Variants in ABCC5 observed in about 807,000 individuals in gnomAD.
ABCC5 encodes the protein ATP-binding cassette sub-family C member 5.
In ABCC5, 61 loss-of-function variants were observed where a neutral mutation model predicts 160.9. That is an observed-to-expected ratio of 0.38 (90% CI 0.31 to 0.47). ABCC5 has a LOEUF of 0.47. ABCC5 is among the 20% of genes least tolerant of loss of function. The pLI is 0.99. For synonymous variants in ABCC5, 666 were observed against 700.6 expected, an observed-to-expected ratio of 0.95 and a Z score of 0.78; for missense variants, 1,308 against 1,813.3, an observed-to-expected ratio of 0.72 and a Z score of 5.06.
chr3:183,942,451 T>A (rs1231384622), intron 25 of ABCC5: 2 of 606,508 alleles, frequency 3.3e-6, no homozygotes, highest in Non-Finnish European at 6.2e-6. Flanking sequence ...TACCAGTGCT[T>A]CTCTCTGGGT....
intron 26 of ABCC5, among the ~76,000 whole-genome samples, chr3:183,935,475 C>T (rs535257180): frequency 2.0e-5 from 3 of 150,268 alleles, no homozygotes; most frequent in Non-Finnish European, 4.4e-5. Context: ...CCACCGCACT[C>T]GGCCTATTTT....
chr3:183,945,255 T>C (rs1714731025), intron 24 of ABCC5, among the ~76,000 whole-genome samples: 1 of 152,164 alleles, frequency 6.6e-6, no homozygotes. Context: ...GAGTGCCAGT[T>C]AGGACAGCAG....
Position 183,959,675 on chromosome 3 carries a change from C to G in ABCC5, c.2482+58G>C, listed in dbSNP as rs1363209928. ...CAAACATCATGAATTACTTACTACA[C>G]AAGTTATTTCTGATAAACTTTGATG... is the stretch of plus-strand genomic sequence containing the variant. On this transcript the variant is annotated intron_variant, in intron 17 of 29. Coordinates refer to ENST00000334444, the MANE Select transcript of ABCC5 (RefSeq NM_005688.4). 4 of 1,266,994 alleles carry G rather than the reference C, an allele frequency of 3.2e-6. No homozygotes were observed. The African/African-American group carries it at 6.0e-5, about 19-fold the overall frequency. The allele number at this position is 1,266,994 out of a possible 1,614,324, so 78.5% of individuals were successfully genotyped here.
Position 183,965,418 on chromosome 3 carries a change from C to T in ABCC5, c.1917G>A (p.Leu639=). The T allele has an allele frequency of 6.2e-7, 1 of 1,614,000 alleles. No individual in the cohort carries two copies. ...AQQAWILNAT[L]RDNILFGKEY... ...CCTTCCCAAACAGGATGTTGTCTCT[C>T]AGAGTAGCATTGAGGATCCAGGCCT... The change falls in exon 13 of 30, where the codon CTG becomes CTA. Residue 639 remains leucine, a synonymous_variant. Coordinates refer to ENST00000334444, the MANE Select transcript of ABCC5 (RefSeq NM_005688.4).
rs780522033 is a variant in ABCC5, at chr3:183,988,540, G to C, written c.443+32C>G. 1.5e-5 allele frequency: 24 copies of C among 1,591,858 alleles called. No homozygotes were observed. The highest frequency in any genetic ancestry group is 2.0e-5 in the Non-Finnish European group (24 of 1,171,512). ...AGCTCAGGCCCTGCCCACCCGGCAT[G>C]GGGGAGATGAGGGTGGACCAGAGGC... is the stretch of plus-strand genomic sequence containing the variant. On this transcript the variant is annotated intron_variant, in intron 4 of 29. Coordinates refer to ENST00000334444, the MANE Select transcript of ABCC5 (RefSeq NM_005688.4). The surrounding 1 kb of genome is among the most constrained non-coding windows in gnomAD (Gnocchi z 4.4).
intron 10 of ABCC5, among the ~76,000 whole-genome samples, chr3:183,973,188 G>T (rs1417609346): frequency 6.6e-6 from 1 of 151,222 alleles, no homozygotes; most frequent in Non-Finnish European, 1.5e-5. Context: ...CCGAGTAGCT[G>T]GGACTACAGG....
chr3:183,949,305 A>G lies in ABCC5; in HGVS notation c.3227+448T>C, dbSNP rs966170576. ...AATACTCGATGCTTAAATAAAATCT[A>G]CTCAAATGTCATGACTACCTTTTAC... On this transcript the variant is annotated intron_variant, in intron 22 of 29. Coordinates refer to ENST00000334444, the MANE Select transcript of ABCC5 (RefSeq NM_005688.4). This position sits in a 1 kb window ranked among gnomAD's most constrained non-coding sequence, Gnocchi z 4.2. Among the ~76,000 whole-genome samples, 18 of 152,254 alleles carry G rather than the reference A, an allele frequency of 1.2e-4. No individual in the cohort carries two copies. Among genetic ancestry groups the G allele is most frequent in the African/African-American group, 4.1e-4 (17 of 41,474 alleles).
intron 26 of ABCC5, among the ~76,000 whole-genome samples, chr3:183,935,794 G>A (rs750017323): frequency 3.3e-5 from 5 of 152,170 alleles, no homozygotes; most frequent in Admixed American, 6.5e-5. Context: ...GAGCCACCAC[G>A]CCTGACCAAT....
chr3:183,954,603 G>A (rs529127169), intron 17 of ABCC5, among the ~76,000 whole-genome samples: 1 of 152,338 alleles, frequency 6.6e-6, no homozygotes, highest in Admixed American at 6.5e-5. Context: ...GTAGGACATA[G>A]TAACTGGCTG....
At chr3:183,922,765 T>C (rs1341379115) in intron 29 of ABCC5, among the ~76,000 whole-genome samples, 1 of 152,024 alleles carries the variant, frequency 6.6e-6, no homozygotes, top group Non-Finnish European at 1.5e-5. Context: ...GGAAGTCTCC[T>C]TGGTGCTTTA....
Position 184,017,414 on chromosome 3 carries a change from G to A in ABCC5, c.-56+416C>T, listed in dbSNP as rs1722279515. ...GGTGCCCCGAGCCACCCGCTGCACA[G>A]CCTCCCAGGTGGGCGTTTCTCTCAG... On this transcript the variant is annotated intron_variant, in intron 1 of 29. Coordinates refer to ENST00000334444, the MANE Select transcript of ABCC5 (RefSeq NM_005688.4). The surrounding 1 kb of genome is among the most constrained non-coding windows in gnomAD (Gnocchi z 4.5). The A allele has an allele frequency of 6.6e-6, 1 of 152,258 alleles. No individual in the cohort carries two copies. Among genetic ancestry groups the A allele is most frequent in the Non-Finnish European group, 1.5e-5 (1 of 68,070 alleles). 9.4% of individuals were successfully genotyped at this position (152,258 alleles called of 1,614,324 possible).
chr3:184,001,071 T>C lies in ABCC5; in HGVS notation c.130-11688A>G, dbSNP rs562233369. On this transcript the variant is annotated intron_variant, in intron 2 of 29. Transcript: ENST00000334444. ...AGTTTGAGACTAGTCTGTGTAACCC[T>C]CCAAAACCCCATCACTATAAAAAAT... The C allele has an allele frequency of 2.2e-5, 9 of 404,466 alleles. No individual in the cohort carries two copies. The Admixed American group carries it at 3.0e-4, about 13-fold the overall frequency. 25.1% of individuals were successfully genotyped at this position (404,466 alleles called of 1,614,324 possible).
At chr3:183,954,910 G>A (rs1263669822) in intron 17 of ABCC5, among the ~76,000 whole-genome samples, 2 of 152,122 alleles carry the variant, frequency 1.3e-5, no homozygotes, top group African/African-American at 4.8e-5. Flanking sequence ...CGGAAAGGTG[G>A]GGCAACATGG....
intron 5 of ABCC5, chr3:183,984,864 C>CGGCACT (rs1560033546): frequency 1.3e-6 from 2 of 1,584,766 alleles, no homozygotes; most frequent in African/African-American, 2.7e-5. Context: ...CCACACACCT[C>CGGCACT]GGCACTGATG....
chr3:183,960,551 G>A (rs995612624), intron 16 of ABCC5, among the ~76,000 whole-genome samples: 1 of 152,108 alleles, frequency 6.6e-6, no homozygotes, highest in African/African-American at 2.4e-5. Flanking sequence ...CATGTGATGT[G>A]GTCTTGTAAG....
At chr3:184,015,968 G>C (rs770434042) in intron 1 of ABCC5, among the ~76,000 whole-genome samples, 18 of 152,206 alleles carry the variant, frequency 1.2e-4, no homozygotes, top group Non-Finnish European at 2.4e-4. Context: ...TTAAAAGGTG[G>C]GGGTTGGGGC....
intron 3 of ABCC5, 80 bp downstream of exon 3, chr3:183,989,146 A>C: frequency 3.0e-6 from 4 of 1,336,028 alleles, no homozygotes; most frequent in Non-Finnish European, 3.0e-6. Flanking sequence ...CGACAGAGCA[A>C]GACTCCATCT....
intron 2 of ABCC5, among the ~76,000 whole-genome samples, chr3:183,989,863 G>C (rs1272103527): frequency 6.6e-6 from 1 of 151,818 alleles, no homozygotes; most frequent in African/African-American, 2.4e-5. Context: ...GGAGTGCAGT[G>C]GCGCAATCTC....
intron 24 of ABCC5, among the ~76,000 whole-genome samples, chr3:183,945,136 T>G (rs6805913): frequency 0.63 from 95,691 of 152,082 alleles, 31,095 homozygotes; most frequent in East Asian, 0.85. Context: ...TGTTAAGCCT[T>G]CGGAACTGTG....
Sources: gnomAD v4.1 joint callset for allele counts (sites outside exome capture counted in the v4.1 genomes callset) on GRCh38, gnomAD v4.1.1 for gene constraint, Gnocchi (gnomAD v3.1) non-coding constraint, MANE v1.5 for transcripts, NCBI Gene and HGNC (gene_info 2026-07-23, HGNC 2026-07-21) for gene names.